XPO4: variants seen among roughly 807,000 people sequenced by gnomAD.
XPO4 encodes the protein exportin 4, also known as exportin-4.
In XPO4, 39 loss-of-function variants were observed where a neutral mutation model predicts 143.0. The ratio of observed to expected loss-of-function variants is 0.27; its 90% CI spans 0.21 to 0.36. XPO4 has a LOEUF of 0.36. Among genes scored for constraint, XPO4 ranks in the 10% least tolerant of loss-of-function variants. The pLI, the probability that XPO4 is intolerant of heterozygous loss-of-function variation, is 1.00. For synonymous variants in XPO4, 439 were observed against 474.0 expected (o/e 0.93, Z 0.96); for missense variants, 907 against 1,348.0 (o/e 0.67, Z 5.12).
intron 1 of XPO4, among the ~76,000 whole-genome samples, chr13:20,873,101 CA>C (rs11420948): frequency 5.0e-4 from 64 of 128,114 alleles, no homozygotes; most frequent in Non-Finnish European, 5.4e-4. Context: ...CAAGGATCTT[CA>C]AAAAAAAAAA....
intron 14 of XPO4, 56 bp from the exon 15 acceptor site, chr13:20,800,381 A>G (rs2059416124): frequency 6.5e-7 from 1 of 1,537,168 alleles, no homozygotes; most frequent in Admixed American, 2.0e-5. Flanking sequence ...CTCAAGAAAA[A>G]AAAAACAGAG....
chr13:20,846,088 T>A (rs190874391), intron 4 of XPO4, among the ~76,000 whole-genome samples: 113 of 152,300 alleles, frequency 7.4e-4, no homozygotes, highest in African/African-American at 2.7e-3. Flanking sequence ...CTAGAAGCAC[T>A]CATTAAACAA....
chr13:20,805,623 C>A (rs2059494081), intron 13 of XPO4, among the ~76,000 whole-genome samples: 1 of 152,222 alleles, frequency 6.6e-6, no homozygotes, highest in Non-Finnish European at 1.5e-5. Context: ...ATGACAACTA[C>A]AACAATCCCT....
intron 9 of XPO4, among the ~76,000 whole-genome samples, chr13:20,812,653 G>A (rs1046605439): frequency 1.3e-5 from 2 of 152,112 alleles, no homozygotes; most frequent in African/African-American, 2.4e-5. Context: ...AGAGGACATT[G>A]GGGGAAAAAC....
At chr13:20,846,146 A>G (rs2138070604) in intron 4 of XPO4, among the ~76,000 whole-genome samples, 1 of 152,332 alleles carries the variant, frequency 6.6e-6, no homozygotes, top group South Asian at 2.1e-4. Flanking sequence ...TTCACAAGTA[A>G]TTTACAGCTT....
At chr13:20,825,041 T>C (rs1479801258) in intron 7 of XPO4, among the ~76,000 whole-genome samples, 1 of 152,022 alleles carries the variant, frequency 6.6e-6, no homozygotes, top group African/African-American at 2.4e-5. Context: ...TCAGCAAAGT[T>C]GAGAACTAAG....
chr13:20,850,737 C>T (rs915377822), intron 4 of XPO4: 2 of 939,252 alleles, frequency 2.1e-6, no homozygotes, highest in Non-Finnish European at 2.5e-6. Context: ...TGCACTTCAG[C>T]CCAGGCGATA....
At chr13:20,788,675 C>T in intron 19 of XPO4, 59 bp from the exon 20 acceptor site, 1 of 1,431,546 alleles carries the variant, frequency 7.0e-7, no homozygotes, top group Non-Finnish European at 9.4e-7. Flanking sequence ...CTATTTTCAT[C>T]AATGCAATAA....
rs1470567128 is a variant in XPO4, at chr13:20,782,241, AATAG to A, written c.*1477_*1480del. The A allele has an allele frequency of 2.0e-5, 3 of 152,386 alleles. 1 individual carries two copies. The highest frequency in any genetic ancestry group is 2.0e-4 in the Admixed American group (3 of 15,304). The allele number at this position is 152,386 out of a possible 1,614,324, so 9.4% of individuals were successfully genotyped here. On this transcript the variant is annotated 3_prime_UTR_variant, in exon 23 of 23. Transcript: ENST00000255305. Reference sequence around the variant, plus strand: ...AAAAACCGTATTTGCAGAATGGTTTAATAGATAGGTGTCAGGAACATGGTGGAAG... The same window carrying A: ...AAAAACCGTATTTGCAGAATGGTTTAATAGGTGTCAGGAACATGGTGGAAG...
intron 18 of XPO4, among the ~76,000 whole-genome samples, chr13:20,794,592 G>C (rs2059331480): frequency 6.6e-6 from 1 of 152,112 alleles, no homozygotes; most frequent in South Asian, 2.1e-4. Flanking sequence ...AGAATGCTGG[G>C]CACAGTGGCT....
At chr13:20,799,070 A>T in intron 16 of XPO4, 95 bp downstream of exon 16, 1 of 1,151,174 alleles carries the variant, frequency 8.7e-7, no homozygotes, top group Non-Finnish European at 1.2e-6. Context: ...TATGACTGAT[A>T]CATTTATGTC....
chr13:20,897,456 A>C (rs1184726527), intron 1 of XPO4, among the ~76,000 whole-genome samples: 1 of 152,198 alleles, frequency 6.6e-6, no homozygotes, highest in Non-Finnish European at 1.5e-5. Flanking sequence ...CTATTCCAAG[A>C]AGCCCTTTCT....
chr13:20,809,483 C>A (rs1179411432), intron 10 of XPO4, among the ~76,000 whole-genome samples: 1 of 152,186 alleles, frequency 6.6e-6, no homozygotes, highest in Non-Finnish European at 1.5e-5. Flanking sequence ...ACTAACTGCA[C>A]ACCCACAACC....
At chr13:20,830,792 G>A (rs971170331) in intron 6 of XPO4, among the ~76,000 whole-genome samples, 9 of 152,054 alleles carry the variant, frequency 5.9e-5, no homozygotes, top group East Asian at 1.9e-4. Context: ...TTGCTGCCCC[G>A]AATAACAGAC....
chr13:20,808,504 G>A lies in XPO4; in HGVS notation c.1571C>T (p.Ser524Leu), dbSNP rs767666671. Residue 524 changes from serine to leucine, a missense_variant, in exon 12 of 23, where the codon TCA (serine) becomes TTA (leucine). Physicochemically the swap from Ser to Leu is moderately radical, Grantham distance 145. Transcript: ENST00000255305. ...AAGCATTTTGTTGTCAACAGTGCTT[G>A]AACCCGGTGAAGCAAGTAACTGTTG... ...HQQQLLASPGSSTVDNKMLDD... is the reference protein window; with the variant it reads ...HQQQLLASPGLSTVDNKMLDD... The A allele has an allele frequency of 1.3e-6, 2 of 1,574,560 alleles. No individual in the cohort carries two copies. Among genetic ancestry groups the A allele is most frequent in the Non-Finnish European group, 1.7e-6 (2 of 1,151,208 alleles).
chr13:20,897,302 C>T (rs898709817), intron 1 of XPO4, among the ~76,000 whole-genome samples: 3 of 152,132 alleles, frequency 2.0e-5, no homozygotes, highest in African/African-American at 4.8e-5. Flanking sequence ...TACATAAATG[C>T]TCAAATATTC....
intron 1 of XPO4, chr13:20,869,745 A>T (rs1206877267): frequency 4.0e-6 from 1 of 251,120 alleles, no homozygotes; most frequent in Non-Finnish European, 6.3e-6. Context: ...GCCAGTTCAG[A>T]CTACTATTCC....
chr13:20,901,160 G>A lies in XPO4; in HGVS notation c.69+1510C>T, dbSNP rs1470954129. 2.6e-5 allele frequency among the ~76,000 whole-genome samples: 4 copies of A among 152,152 alleles called. No homozygotes were observed. In the South Asian group the frequency reaches 6.2e-4, roughly 24 times the overall value. On this transcript the variant is annotated intron_variant, in intron 1 of 22. Coordinates refer to ENST00000255305, the MANE Select transcript of XPO4 (RefSeq NM_022459.5). Reference sequence around the variant, plus strand: ...GCTGTTGCAAGAATTAATAAAATATGTAAAGTATGTAAAGCATCAAGCCCA... The same window carrying A: ...GCTGTTGCAAGAATTAATAAAATATATAAAGTATGTAAAGCATCAAGCCCA...
chr13:20,859,092 G>C (rs1360099910), intron 3 of XPO4, among the ~76,000 whole-genome samples: 1 of 151,392 alleles, frequency 6.6e-6, no homozygotes, highest in Non-Finnish European at 1.5e-5. Flanking sequence ...AGCCCTTTGG[G>C]GTACTGAGGC....
Sources: gnomAD v4.1 joint callset for allele counts (sites outside exome capture counted in the v4.1 genomes callset) on GRCh38, gnomAD v4.1.1 for gene constraint, MANE v1.5 for transcripts, NCBI Gene and HGNC (gene_info 2026-07-23, HGNC 2026-07-21) for gene names.